The following HPDL variants were observed in gnomAD, a reference collection of about 807,000 sequenced individuals.
HPDL encodes 4-hydroxyphenylpyruvate dioxygenase like.
A neutral mutation model predicts 9.8 loss-of-function variants in HPDL; 7 were observed. The ratio of observed to expected loss-of-function variants is 0.71; its 90% CI spans 0.41 to 1.34. The LOEUF is 1.34. Among genes scored for constraint, HPDL ranks in the 40% most tolerant of loss-of-function variants. The pLI is 0.01. For missense variants in HPDL, 530 were observed against 495.1 expected, an observed-to-expected ratio of 1.07 and a Z score of -0.67; for synonymous variants, 250 against 228.2, an observed-to-expected ratio of 1.10 and a Z score of -0.86.
rs1165142159 is a variant in HPDL at position 45,327,296 on chromosome 1, G to T, written c.148G>T (p.Gly50Cys). Residue 50 changes from glycine (G) to cysteine (C), a missense_variant, in exon 1 of 1, where the codon GGC becomes TGC. Coordinates refer to ENST00000334815, the MANE Select transcript of HPDL (RefSeq NM_032756.4). The surrounding 1 kb of genome is among the most constrained non-coding windows in gnomAD (Gnocchi z 6.3). ...DGWRQLALRS[G>C]DAVFLVNEGA... ...CTGGCGGCAGCTAGCCCTGCGCAGC[G>T]GCGACGCGGTCTTTTTGGTGAACGA... 2 of 1,585,178 alleles carry T rather than the reference G, an allele frequency of 1.3e-6. No individual in the cohort carries two copies. The highest frequency in any genetic ancestry group is 1.7e-6 in the Non-Finnish European group (2 of 1,167,710).
Position 45,328,208 on chromosome 1 carries a change from A to C in HPDL, c.1060A>C (p.Ile354Leu). 2 of 1,614,242 alleles carry C rather than the reference A, an allele frequency of 1.2e-6. No individual in the cohort carries two copies. Among genetic ancestry groups the C allele is most frequent in the African/African-American group, 1.3e-5 (1 of 75,062 alleles). ...GGCCACTGGCTTTGGTCAGGGCAAC[A>C]TCAGAGCTCTGTGGCAGTCCGTACA... ...QGATGFGQGN[I>L]RALWQSVQEQ... The change falls in exon 1 of 1, where the codon ATC (isoleucine) becomes CTC (leucine). Residue 354 changes from isoleucine to leucine, a missense_variant. Physicochemically the swap from Ile to Leu is conservative, Grantham distance 5. Transcript: ENST00000334815.
chr1:45,327,444 G>T lies in HPDL; in HGVS notation c.296G>T (p.Gly99Val). The change falls in exon 1 of 1, where the codon GGC becomes GTC. Residue 99 changes from glycine to valine, a missense_variant. Gly to Val is a moderately radical substitution (Grantham distance 109). Coordinates refer to ENST00000334815, the MANE Select transcript of HPDL (RefSeq NM_032756.4). The surrounding 1 kb of genome is among the most constrained non-coding windows in gnomAD (Gnocchi z 6.3). Reference protein sequence around the residue: ...GAATRELAALGCSVPVPPVRV... With the variant: ...GAATRELAALVCSVPVPPVRV... ...GCAACCCGGGAGCTGGCAGCGCTGGGCTGCAGCGTGCCTGTCCCTCCCGTT... is the reference window on the plus strand; with the variant it reads ...GCAACCCGGGAGCTGGCAGCGCTGGTCTGCAGCGTGCCTGTCCCTCCCGTT... 6.3e-7 allele frequency: 1 copy of T among 1,586,566 alleles called. No homozygotes were observed. The highest frequency in any genetic ancestry group is 8.5e-7 in the Non-Finnish European group (1 of 1,172,714).
At position 45,328,370 on chromosome 1, in the gene HPDL, C is replaced by CCG. The variant is rs1553122101; in HGVS notation, c.*106_*107insCG. ...CCCAACTAGTGAAAGGCTTTGCCTC[C>CCG]GGGGGGCAGGTGTGACTTCCATTTC... On this transcript the variant is annotated 3_prime_UTR_variant, in exon 1 of 1. Transcript: ENST00000334815. The CCG allele has an allele frequency of 2.4e-6, 3 of 1,236,730 alleles. No individual in the cohort carries two copies. The highest frequency in any genetic ancestry group is 3.3e-6 in the Non-Finnish European group (3 of 897,770). 76.6% of individuals were successfully genotyped at this position (1,236,730 alleles called of 1,614,324 possible). A position where few individuals can be genotyped will look rare whatever the true frequency, so the allele number is the denominator to read the frequency against.
Position 45,328,273 on chromosome 1 carries a change from AGGGCT to A in HPDL, c.*13_*17del, listed in dbSNP as rs1644267824. On this transcript the variant is annotated 3_prime_UTR_variant, in exon 1 of 1. Transcript: ENST00000334815. ...GGAGCCAGGAAGCCTAAGGATGCCC[AGGGCT>A]GGGTGCAGCCAGCTGTCCTGCAGCT... The A allele has an allele frequency of 6.2e-7, 1 of 1,611,294 alleles. No homozygotes were observed. The highest frequency in any genetic ancestry group is 1.7e-5 in the Admixed American group (1 of 59,852).
Position 45,328,361 on chromosome 1 carries a change from C to G in HPDL, c.*97C>G. ...TGCAGGAGGCCCAACTAGTGAAAGG[C>G]TTTGCCTCCGGGGGGCAGGTGTGAC... On this transcript the variant is annotated 3_prime_UTR_variant, in exon 1 of 1. Coordinates refer to ENST00000334815, the MANE Select transcript of HPDL (RefSeq NM_032756.4). 3.7e-6 allele frequency: 5 copies of G among 1,335,422 alleles called. No homozygotes were observed. Among genetic ancestry groups the G allele is most frequent in the Non-Finnish European group, 5.1e-6 (5 of 981,882 alleles). 82.7% of individuals were successfully genotyped at this position (1,335,422 alleles called of 1,614,324 possible).
chr1:45,328,527 T>C lies in HPDL; in HGVS notation c.*263T>C, dbSNP rs1425978535. 4.7e-6 allele frequency: 2 copies of C among 425,174 alleles called. No individual in the cohort carries two copies. Among genetic ancestry groups the C allele is most frequent in the Non-Finnish European group, 8.7e-6 (2 of 230,110 alleles). 26.3% of individuals were successfully genotyped at this position (425,174 alleles called of 1,614,324 possible). ...AAAGAACAATAAAAGAATTACACACTAGGAAATAGAACATAACCAATACTT... is the reference window on the plus strand; with the variant it reads ...AAAGAACAATAAAAGAATTACACACCAGGAAATAGAACATAACCAATACTT... On this transcript the variant is annotated 3_prime_UTR_variant, in exon 1 of 1. Coordinates refer to ENST00000334815, the MANE Select transcript of HPDL (RefSeq NM_032756.4).
rs750941032 is a variant in HPDL at position 45,327,634 on chromosome 1, C to A, written c.486C>A (p.Asp162Glu). Residue 162 changes from aspartate to glutamate, a missense_variant, in exon 1 of 1, where the codon GAC (aspartate) becomes GAA (glutamate). Transcript: ENST00000334815. This position sits in a 1 kb window ranked among gnomAD's most constrained non-coding sequence, Gnocchi z 6.3. The part of the protein sequence containing the change: ...APGPGWVSRV[D>E]HLTLACTPGS... Reference sequence around the variant, plus strand: ...GCCCCGGGTGGGTCAGCCGCGTGGACCACCTGACCTTGGCCTGCACCCCCG... The same window carrying A: ...GCCCCGGGTGGGTCAGCCGCGTGGAACACCTGACCTTGGCCTGCACCCCCG... 6.2e-7 allele frequency: 1 copy of A among 1,612,492 alleles called. No homozygotes were observed. The highest frequency in any genetic ancestry group is 1.1e-5 in the South Asian group (1 of 91,000).
Position 45,327,061 on chromosome 1 carries a change from C to G in HPDL, c.-88C>G, listed in dbSNP as rs1364708774. ...GTGAGCCGGACTCCCCAACTCCGGACGATCAGCCCAGGACTGAGAGCCCCG... is the reference window on the plus strand; with the variant it reads ...GTGAGCCGGACTCCCCAACTCCGGAGGATCAGCCCAGGACTGAGAGCCCCG... On this transcript the variant is annotated 5_prime_UTR_variant, in exon 1 of 1. Transcript: ENST00000334815. This position sits in a 1 kb window ranked among gnomAD's most constrained non-coding sequence, Gnocchi z 6.3. 13 of 1,356,348 alleles carry G rather than the reference C, an allele frequency of 9.6e-6. No homozygotes were observed. Among genetic ancestry groups the G allele is most frequent in the African/African-American group, 1.5e-5 (1 of 66,330 alleles). The allele number at this position is 1,356,348 out of a possible 1,614,324, so 84.0% of individuals were successfully genotyped here.
chr1:45,327,840 C>T lies in HPDL; in HGVS notation c.692C>T (p.Ala231Val), dbSNP rs756300449. ...AGCATTGTCCCCACTCTTGTTCTGG[C>T]TGAGTCCCTTCCGGGGGCGACGACA... ...PGSIVPTLVL[A>V]ESLPGATTRQ... Residue 231 changes from alanine to valine, a missense_variant, in exon 1 of 1, where the codon GCT becomes GTT. Coordinates refer to ENST00000334815, the MANE Select transcript of HPDL (RefSeq NM_032756.4). The surrounding 1 kb of genome is among the most constrained non-coding windows in gnomAD (Gnocchi z 6.3). The T allele has an allele frequency of 1.4e-5, 22 of 1,554,962 alleles. No homozygotes were observed. The highest frequency in any genetic ancestry group is 1.9e-5 in the Non-Finnish European group (22 of 1,150,100).
Position 45,327,758 on chromosome 1 carries a change from ACAG to A in HPDL, c.614_616del (p.Ala205del), listed in dbSNP as rs758568231. The A allele has an allele frequency of 1.9e-6, 3 of 1,612,506 alleles. No homozygotes were observed. In the South Asian group the frequency reaches 3.3e-5, roughly 18 times the overall value. The stretch of plus-strand genomic sequence containing the variant: ...GGATCCCGAGCTGGGCCTCGAAATG[ACAG>A]CAGGGTTTGGGCTTGGGGGACTGAG... On this transcript the variant is annotated inframe_deletion, in exon 1 of 1. Transcript: ENST00000334815. This position sits in a 1 kb window ranked among gnomAD's most constrained non-coding sequence, Gnocchi z 6.3.
chr1:45,327,907 G>A lies in HPDL; in HGVS notation c.759G>A (p.Gly253=). 1 of 1,558,664 alleles carries A rather than the reference G, an allele frequency of 6.4e-7. No homozygotes were observed. Among genetic ancestry groups the A allele is most frequent in the Non-Finnish European group, 8.7e-7 (1 of 1,151,608 alleles). The change falls in exon 1 of 1, where the codon GGG becomes GGA. Residue 253 remains glycine, a synonymous_variant. Transcript: ENST00000334815. This position sits in a 1 kb window ranked among gnomAD's most constrained non-coding sequence, Gnocchi z 6.3. Reference sequence around the variant, plus strand: ...AGCAGTTCCTGGCCCGGCACAAGGGGCCAGGCCTGCAGCACGTGGGGCTGT... The same window carrying A: ...AGCAGTTCCTGGCCCGGCACAAGGGACCAGGCCTGCAGCACGTGGGGCTGT... ...QVEQFLARHK[G]PGLQHVGLYT... is the part of the protein sequence containing the mutation.
chr1:45,327,625 C>T lies in HPDL; in HGVS notation c.477C>T (p.Ser159=). The change falls in exon 1 of 1, where the codon AGC becomes AGT. Residue 159 remains serine (S), a synonymous_variant. Coordinates refer to ENST00000334815, the MANE Select transcript of HPDL (RefSeq NM_032756.4). The surrounding 1 kb of genome is among the most constrained non-coding windows in gnomAD (Gnocchi z 6.3). The stretch of plus-strand genomic sequence containing the variant: ...CTGCGCCTGGCCCCGGGTGGGTCAG[C>T]CGCGTGGACCACCTGACCTTGGCCT... The part of the protein sequence containing the change: ...VSSAPGPGWV[S]RVDHLTLACT... 1.2e-6 allele frequency: 2 copies of T among 1,612,326 alleles called. No homozygotes were observed. Among genetic ancestry groups the T allele is most frequent in the Non-Finnish European group, 1.7e-6 (2 of 1,179,724 alleles).
Position 45,328,213 on chromosome 1 carries a change from A to G in HPDL, c.1065A>G (p.Arg355=), listed in dbSNP as rs79702595. ...GATGFGQGNI[R]ALWQSVQEQS... is the part of the protein sequence containing the mutation. The stretch of plus-strand genomic sequence containing the variant: ...CTGGCTTTGGTCAGGGCAACATCAG[A>G]GCTCTGTGGCAGTCCGTACAGGAGC... The change falls in exon 1 of 1, where the codon AGA becomes AGG. Residue 355 remains arginine (R), a synonymous_variant. Coordinates refer to ENST00000334815, the MANE Select transcript of HPDL (RefSeq NM_032756.4). 2,596 of 1,614,222 alleles carry G rather than the reference A, an allele frequency of 1.6e-3. 38 individuals carry two copies. The East Asian group carries it at 0.027, about 17-fold the overall frequency.
Position 45,327,240 on chromosome 1 carries a change from T to A in HPDL, c.92T>A (p.Phe31Tyr). The A allele has an allele frequency of 6.2e-7, 1 of 1,605,080 alleles. No individual in the cohort carries two copies. Among genetic ancestry groups the A allele is most frequent in the Non-Finnish European group, 8.5e-7 (1 of 1,177,324 alleles). Residue 31 changes from phenylalanine (F) to tyrosine (Y), a missense_variant, in exon 1 of 1, where the codon TTC becomes TAC. Coordinates refer to ENST00000334815, the MANE Select transcript of HPDL (RefSeq NM_032756.4). This position sits in a 1 kb window ranked among gnomAD's most constrained non-coding sequence, Gnocchi z 6.3. ...CGGAACCTGCAGCGCCTCTTCGGCT[T>A]CCAGCCCCTGGCTTCGCGGGAGGTG... ...LARNLQRLFG[F>Y]QPLASREVDG...
At position 45,327,816 on chromosome 1, in the gene HPDL, G is replaced by C. The variant is rs752112433; in HGVS notation, c.668G>C (p.Ser223Thr). Residue 223 changes from serine (S) to threonine (T), a missense_variant, in exon 1 of 1, where the codon AGC becomes ACC. Transcript: ENST00000334815. This position sits in a 1 kb window ranked among gnomAD's most constrained non-coding sequence, Gnocchi z 6.3. ...RLTALQAQPG[S>T]IVPTLVLAES... ...ACAGCCCTGCAGGCCCAGCCGGGCA[G>C]CATTGTCCCCACTCTTGTTCTGGCT... The C allele has an allele frequency of 2.0e-5, 32 of 1,577,190 alleles. No individual in the cohort carries two copies. Among genetic ancestry groups the C allele is most frequent in the Non-Finnish European group, 3.4e-6 (4 of 1,160,192 alleles).
chr1:45,327,670 C>A lies in HPDL; in HGVS notation c.522C>A (p.Pro174=), dbSNP rs779899406. 5.0e-6 allele frequency: 8 copies of A among 1,610,936 alleles called. No homozygotes were observed. The South Asian group carries it at 6.6e-5, about 13-fold the overall frequency. Residue 174 remains proline, a synonymous_variant, in exon 1 of 1, where the codon CCC becomes CCA. Transcript: ENST00000334815. This position sits in a 1 kb window ranked among gnomAD's most constrained non-coding sequence, Gnocchi z 6.3. ...TGGCCTGCACCCCCGGCAGCTCCCC[C>A]ACACTTTTGCGCTGGTTCCACGACT... ...LTLACTPGSS[P]TLLRWFHDCL...
At position 45,328,295 on chromosome 1, in the gene HPDL, C is replaced by G; in HGVS notation, c.*31C>G. The G allele has an allele frequency of 6.2e-7, 1 of 1,604,906 alleles. No homozygotes were observed. The highest frequency in any genetic ancestry group is 8.5e-7 in the Non-Finnish European group (1 of 1,174,198). On this transcript the variant is annotated 3_prime_UTR_variant, in exon 1 of 1. Transcript: ENST00000334815. ...CCCAGGGCTGGGTGCAGCCAGCTGT[C>G]CTGCAGCTCTGGGGAGACCAGCACA... is the stretch of plus-strand genomic sequence containing the variant.
At position 45,328,250 on chromosome 1, in the gene HPDL, A is replaced by C; in HGVS notation, c.1102A>C (p.Ser368Arg). ...WQSVQEQSARSQEA is the reference protein window; with the variant it reads ...WQSVQEQSARRQEA Reference sequence around the variant, plus strand: ...GTCCGTACAGGAGCAATCTGCCAGGAGCCAGGAAGCCTAAGGATGCCCAGG... The same window carrying C: ...GTCCGTACAGGAGCAATCTGCCAGGCGCCAGGAAGCCTAAGGATGCCCAGG... Residue 368 changes from serine to arginine, a missense_variant, in exon 1 of 1, where the codon AGC becomes CGC. Physicochemically the swap from Ser to Arg is moderately radical, Grantham distance 110. Coordinates refer to ENST00000334815, the MANE Select transcript of HPDL (RefSeq NM_032756.4). 6.2e-7 allele frequency: 1 copy of C among 1,613,878 alleles called. No individual in the cohort carries two copies. Among genetic ancestry groups the C allele is most frequent in the Admixed American group, 1.7e-5 (1 of 60,002 alleles).
At position 45,327,717 on chromosome 1, in the gene HPDL, C is replaced by G; in HGVS notation, c.569C>G (p.Pro190Arg). ...FHDCLGFCHL[P>R]LSPGEDPELG... ...GACTGCCTGGGCTTTTGCCACTTGC[C>G]GCTGAGCCCAGGTGAGGATCCCGAG... The change falls in exon 1 of 1, where the codon CCG becomes CGG. Residue 190 changes from proline (P) to arginine (R), a missense_variant. Transcript: ENST00000334815. The surrounding 1 kb of genome is among the most constrained non-coding windows in gnomAD (Gnocchi z 6.3). 1 of 1,611,544 alleles carries G rather than the reference C, an allele frequency of 6.2e-7. No individual in the cohort carries two copies. Among genetic ancestry groups the G allele is most frequent in the Non-Finnish European group, 8.5e-7 (1 of 1,178,412 alleles).
Sources: allele counts gnomAD v4.1 joint callset, GRCh38; gene constraint gnomAD v4.1.1; non-coding constraint Gnocchi (gnomAD v3.1); transcripts MANE v1.5; gene names NCBI Gene and HGNC (gene_info 2026-07-23, HGNC 2026-07-21).